Variants in PCDHGB5 observed in about 807,000 individuals in gnomAD.
PCDHGB5 encodes protocadherin gamma-B5.
PCDHGB5 carries 48 observed loss-of-function variants against 62.9 expected under a neutral mutation model. That is an observed-to-expected ratio of 0.76 (90% confidence interval 0.61 to 0.97). The LOEUF is 0.97. PCDHGB5 is among the 50% of genes least tolerant of loss of function. PCDHGB5 has a pLI of 0.00. For missense variants in PCDHGB5, 1,118 were observed against 1,198.6 expected, an observed-to-expected ratio of 0.93 and a Z score of 0.99; for synonymous variants, 474 against 511.2, an observed-to-expected ratio of 0.93 and a Z score of 0.98.
intron 1 of PCDHGB5, chr5:141,427,998 C>G: frequency 6.2e-7 from 1 of 1,600,956 alleles, no homozygotes; most frequent in Non-Finnish European, 8.6e-7. Context: ...TGGCTCCGCA[C>G]TCTTCGATAT....
At chr5:141,461,409 A>G (rs572412049) in intron 1 of PCDHGB5, among the ~76,000 whole-genome samples, 1 of 151,928 alleles carries the variant, frequency 6.6e-6, no homozygotes, top group East Asian at 1.9e-4. Flanking sequence ...GCATTTTTTC[A>G]TATGTTTGTG....
At position 141,410,277 on chromosome 5, in the gene PCDHGB5, T is replaced by C. The variant is rs1461250700; in HGVS notation, c.2397+9753T>C. 2.5e-6 allele frequency: 4 copies of C among 1,614,014 alleles called. No homozygotes were observed. In the Admixed American group the frequency reaches 6.7e-5, roughly 27 times the overall value. ...CCCCAGGCTGAACTGCAGTTTTACC[T>C]GGTGGTGGCCTTGGCCTTAATCTCA... On this transcript the variant is annotated intron_variant, in intron 1 of 3. Transcript: ENST00000617380.
chr5:141,405,059 G>A (rs374581472), intron 1 of PCDHGB5: 22 of 1,613,900 alleles, frequency 1.4e-5, no homozygotes, highest in Non-Finnish European at 1.9e-5. Flanking sequence ...CGTCTCCTGT[G>A]TCTTCCTCAC....
At chr5:141,419,116 C>A in intron 1 of PCDHGB5, 2 of 1,613,888 alleles carry the variant, frequency 1.2e-6, no homozygotes. Context: ...CAGAGTACAA[C>A]GTCACCATCG....
At chr5:141,415,740 G>GTTTTTTTTTTTTTTTGT (rs2095912649) in intron 1 of PCDHGB5, 1 of 515,998 alleles carries the variant, frequency 1.9e-6, no homozygotes, top group Non-Finnish European at 2.6e-6. Flanking sequence ...GTTTATTAAG[G>GTTTTTTTTTTTTTTTGT]TTTTTTTTTT....
intron 1 of PCDHGB5, chr5:141,442,416 T>A (rs2098323395): frequency 6.6e-6 from 1 of 152,206 alleles, no homozygotes; most frequent in Non-Finnish European, 1.5e-5. Flanking sequence ...CTGAGTGAAC[T>A]TCTTTTTTGA....
chr5:141,482,546 A>G (rs1489817593), intron 1 of PCDHGB5, among the ~76,000 whole-genome samples: 1 of 151,868 alleles, frequency 6.6e-6, no homozygotes, highest in Non-Finnish European at 1.5e-5. Context: ...AAAAAAAAAA[A>G]AAAGATAATG....
rs771326288 is a variant in PCDHGB5 at position 141,398,862 on chromosome 5, C to A, written c.735C>A (p.Asp245Glu). The A allele has an allele frequency of 3.1e-6, 5 of 1,613,966 alleles. No homozygotes were observed. The highest frequency in any genetic ancestry group is 1.7e-5 in the Admixed American group (1 of 60,028). ...ATAATCCCCCGGTATTCAACCGAGACGTGTACAGAGTCAGCCTTCGGGAAA... is the reference window on the plus strand; with the variant it reads ...ATAATCCCCCGGTATTCAACCGAGAAGTGTACAGAGTCAGCCTTCGGGAAA... ...ANDNPPVFNR[D>E]VYRVSLRENV... The change falls in exon 1 of 4, where the codon GAC becomes GAA. Residue 245 changes from aspartate (D) to glutamate (E), a missense_variant. Asp to Glu is a conservative substitution (Grantham distance 45). Coordinates refer to ENST00000617380, the MANE Select transcript of PCDHGB5 (RefSeq NM_018925.3).
chr5:141,403,006 G>C (rs536630249), intron 1 of PCDHGB5: 3 of 1,613,888 alleles, frequency 1.9e-6, no homozygotes, highest in Non-Finnish European at 2.5e-6. Context: ...TGCTATGCTC[G>C]CTCCTGGGGA....
intron 2 of PCDHGB5, among the ~76,000 whole-genome samples, chr5:141,496,121 C>A (rs1391009290): frequency 6.6e-6 from 1 of 152,088 alleles, no homozygotes; most frequent in Non-Finnish European, 1.5e-5. Flanking sequence ...TCCTTCCCTG[C>A]CCCTCACACA....
At chr5:141,456,142 C>A (rs1258425044) in intron 1 of PCDHGB5, among the ~76,000 whole-genome samples, 1 of 152,052 alleles carries the variant, frequency 6.6e-6, no homozygotes, top group Non-Finnish European at 1.5e-5. Flanking sequence ...CCTGATCCGC[C>A]CGCCTCGGCC....
At position 141,431,098 on chromosome 5, in the gene PCDHGB5, A is replaced by G; in HGVS notation, c.2397+30574A>G. The G allele has an allele frequency of 6.2e-7, 1 of 1,614,260 alleles. No homozygotes were observed. The highest frequency in any genetic ancestry group is 8.5e-7 in the Non-Finnish European group (1 of 1,180,040). On this transcript the variant is annotated intron_variant, in intron 1 of 3. Transcript: ENST00000617380. This position sits in a 1 kb window ranked among gnomAD's most constrained non-coding sequence, Gnocchi z 4.8. ...ATCTAGACATTCTGATGGAGGATAA[A>G]GTGAAAATATATGGAGTAGAAGTAG...
rs766149685 is a variant in PCDHGB5 at position 141,398,925 on chromosome 5, C to G, written c.798C>G (p.Ala266=). 1.1e-5 allele frequency: 17 copies of G among 1,613,966 alleles called. No individual in the cohort carries two copies. The highest frequency in any genetic ancestry group is 1.4e-5 in the Non-Finnish European group (17 of 1,179,888). ...PPGTTVLQVS[A]TDQDEGINSE... Reference sequence around the variant, plus strand: ...GCACCACTGTGTTGCAAGTGTCAGCCACTGACCAAGACGAGGGCATCAACT... The same window carrying G: ...GCACCACTGTGTTGCAAGTGTCAGCGACTGACCAAGACGAGGGCATCAACT... The change falls in exon 1 of 4, where the codon GCC becomes GCG. Residue 266 remains alanine, a synonymous_variant. Transcript: ENST00000617380.
At chr5:141,422,318 G>A (rs778935746) in intron 1 of PCDHGB5, 10 of 1,548,110 alleles carry the variant, frequency 6.5e-6, no homozygotes, top group Non-Finnish European at 7.8e-6. Context: ...TCTCCTCCAG[G>A]TACAGTGATT....
chr5:141,397,972 G>T lies in PCDHGB5; in HGVS notation c.-156G>T. The T allele has an allele frequency of 2.6e-6, 3 of 1,155,564 alleles. No individual in the cohort carries two copies. The highest frequency in any genetic ancestry group is 3.6e-6 in the Non-Finnish European group (3 of 831,858). 71.6% of individuals were successfully genotyped at this position (1,155,564 alleles called of 1,614,324 possible). A position where few individuals can be genotyped will look rare whatever the true frequency, so the allele number is the denominator to read the frequency against. On this transcript the variant is annotated 5_prime_UTR_variant, in exon 1 of 4. Coordinates refer to ENST00000617380, the MANE Select transcript of PCDHGB5 (RefSeq NM_018925.3). ...GCAGCCCCAGCTCAGACTCCCCAGC[G>T]CCGGCCTTTACACCGCTTCCTCCTC...
In PCDHGB5 at chr5:141,415,213, G is replaced by A. The variant is rs750613524; in HGVS notation, c.2397+14689G>A. On this transcript the variant is annotated intron_variant, in intron 1 of 3. Coordinates refer to ENST00000617380, the MANE Select transcript of PCDHGB5 (RefSeq NM_018925.3). ...CATCCCCCAAGTCCTGGCGGACCTC[G>A]GCAGCTTCGAGTCTCCAGCTAACTC... 1.9e-6 allele frequency: 3 copies of A among 1,614,074 alleles called. No individual in the cohort carries two copies. In the East Asian group the frequency reaches 6.7e-5, roughly 36 times the overall value.
At position 141,422,099 on chromosome 5, in the gene PCDHGB5, A is replaced by G. The variant is rs374091819; in HGVS notation, c.2397+21575A>G. ...CGGAACATGGAAAGCAAGGCTTCTG[A>G]AATATTCCAATTGGATTCACAAACT... On this transcript the variant is annotated intron_variant, in intron 1 of 3. Transcript: ENST00000617380. 1.9e-6 allele frequency: 3 copies of G among 1,609,706 alleles called. No homozygotes were observed. The African/African-American group carries it at 4.0e-5, about 22-fold the overall frequency.
intron 1 of PCDHGB5, among the ~76,000 whole-genome samples, chr5:141,464,139 C>T (rs1200161549): frequency 6.6e-6 from 1 of 151,928 alleles, no homozygotes; most frequent in Admixed American, 6.6e-5. Flanking sequence ...GTGGTGGGCG[C>T]CTGTAGTCCC....
intron 1 of PCDHGB5, chr5:141,420,142 G>T: frequency 4.3e-6 from 7 of 1,614,004 alleles, no homozygotes; most frequent in Non-Finnish European, 5.9e-6. Flanking sequence ...GGGATCAAAT[G>T]AATCCAGAAT....
Sources: gnomAD v4.1 joint callset for allele counts (sites outside exome capture counted in the v4.1 genomes callset) on GRCh38, gnomAD v4.1.1 for gene constraint, Gnocchi (gnomAD v3.1) non-coding constraint, MANE v1.5 for transcripts, NCBI Gene and HGNC (gene_info 2026-07-23, HGNC 2026-07-21) for gene names.